ZEB1: variants seen among roughly 807,000 people sequenced by gnomAD.
ZEB1 encodes the protein zinc finger E-box binding homeobox 1.
ZEB1 carries 21 observed loss-of-function variants against 84.9 expected under a neutral mutation model. The ratio of observed to expected loss-of-function variants is 0.25; its 90% CI spans 0.18 to 0.36. The LOEUF is 0.36. ZEB1 is among the 10% of genes least tolerant of loss of function. The pLI is 1.00. For synonymous variants in ZEB1, 420 were observed against 471.1 expected, an observed-to-expected ratio of 0.89 and a Z score of 1.41; for missense variants, 1,104 against 1,330.2, an observed-to-expected ratio of 0.83 and a Z score of 2.65.
chr10:31,370,987 G>A (rs1357740986), intron 1 of ZEB1, among the ~76,000 whole-genome samples: 1 of 152,100 alleles, frequency 6.6e-6, no homozygotes, highest in Non-Finnish European at 1.5e-5. Flanking sequence ...ACAAACTGCT[G>A]GGATTACAGG....
intron 3 of ZEB1, among the ~76,000 whole-genome samples, chr10:31,500,349 C>T (rs1368062966): frequency 1.3e-5 from 2 of 152,040 alleles, no homozygotes; most frequent in African/African-American, 4.8e-5. Flanking sequence ...TTGCTTTGCT[C>T]TTATCAGTCT....
chr10:31,397,959 C>G (rs1456680091), intron 1 of ZEB1, among the ~76,000 whole-genome samples: 1 of 152,118 alleles, frequency 6.6e-6, no homozygotes, highest in Non-Finnish European at 1.5e-5. Context: ...GCAAAGTTGA[C>G]TGAATAAGAT....
rs187841200 is a variant in ZEB1, at chr10:31,362,266, T to C, written c.58+42974T>C. On this transcript the variant is annotated intron_variant, in intron 1 of 8. Coordinates refer to ENST00000424869, the MANE Select transcript of ZEB1 (RefSeq NM_001174096.2). ...GGAGGCCAGGCAGAGGCGGCGCTCC[T>C]CCTCAATTCCCAGATAGTGGGCGGC... Among the ~76,000 whole-genome samples, 1,015 of 128,442 alleles carry C rather than the reference T, an allele frequency of 7.9e-3. 10 individuals are homozygous for C. The highest frequency in any genetic ancestry group is 0.028 in the African/African-American group (929 of 33,118). The allele number at this position is 128,442 out of a possible 152,430, so 84.3% of individuals were successfully genotyped here.
At chr10:31,446,760 G>T (rs1299106201) in intron 1 of ZEB1, among the ~76,000 whole-genome samples, 2 of 151,188 alleles carry the variant, frequency 1.3e-5, no homozygotes, top group Non-Finnish European at 3.0e-5. Flanking sequence ...TAGTTTGATT[G>T]CACTGTGGTC....
At chr10:31,386,748 G>C (rs2048702654) in intron 1 of ZEB1, among the ~76,000 whole-genome samples, 1 of 152,146 alleles carries the variant, frequency 6.6e-6, no homozygotes, top group East Asian at 1.9e-4. Context: ...AAATACAAAG[G>C]GAGGACAGAA....
chr10:31,339,519 C>G (rs568517813), intron 1 of ZEB1, among the ~76,000 whole-genome samples: 1 of 152,068 alleles, frequency 6.6e-6, no homozygotes, highest in African/African-American at 2.4e-5. Flanking sequence ...TCTGTAGTCC[C>G]AGCACTTTGG....
In ZEB1 at chr10:31,415,235, A is replaced by C. The variant is rs1432473255; in HGVS notation, c.59-45802A>C. 2.6e-5 allele frequency among the ~76,000 whole-genome samples: 4 copies of C among 152,268 alleles called. 1 individual carries two copies. The highest frequency in any genetic ancestry group is 2.0e-4 in the Admixed American group (3 of 15,286). Reference sequence around the variant, plus strand: ...GAGAGAACAGGATTTCTGTGCAAAGATGGTACAGTGCTAGTAAAATATATA... The same window carrying C: ...GAGAGAACAGGATTTCTGTGCAAAGCTGGTACAGTGCTAGTAAAATATATA... On this transcript the variant is annotated intron_variant, in intron 1 of 8. Coordinates refer to ENST00000424869, the MANE Select transcript of ZEB1 (RefSeq NM_001174096.2).
intron 1 of ZEB1, among the ~76,000 whole-genome samples, chr10:31,426,055 T>A (rs979269025): frequency 2.6e-4 from 39 of 152,332 alleles, no homozygotes; most frequent in African/African-American, 9.4e-4. Context: ...AATTACTCTC[T>A]GTGTGAATTT....
chr10:31,401,928 A>G (rs530716166), intron 1 of ZEB1, among the ~76,000 whole-genome samples: 5 of 152,228 alleles, frequency 3.3e-5, no homozygotes, highest in Admixed American at 2.6e-4. Context: ...AATGGAGGAC[A>G]GGTTTCTTCC....
chr10:31,361,086 C>A (rs1225673646), intron 1 of ZEB1: 1 of 1,611,908 alleles, frequency 6.2e-7, no homozygotes, highest in Non-Finnish European at 8.5e-7. Flanking sequence ...CTAAGACTTA[C>A]AAATTACAAG....
chr10:31,404,741 A>T, intron 1 of ZEB1, among the ~76,000 whole-genome samples: 1 of 151,878 alleles, frequency 6.6e-6, no homozygotes, highest in East Asian at 1.9e-4. Context: ...CTCTCCTTTT[A>T]TTTTTTTCAA....
At chr10:31,356,352 G>GTGTA (rs141826838) in intron 1 of ZEB1, among the ~76,000 whole-genome samples, 5 of 147,056 alleles carry the variant, frequency 3.4e-5, no homozygotes, top group Admixed American at 2.0e-4. Context: ...TATATGATGT[G>GTGTA]TATATATATA....
chr10:31,336,866 C>T (rs1431570597), intron 1 of ZEB1, among the ~76,000 whole-genome samples: 1 of 152,196 alleles, frequency 6.6e-6, no homozygotes, highest in Non-Finnish European at 1.5e-5. Flanking sequence ...AACACTTAGG[C>T]GTTGCAGATG....
At chr10:31,474,692 C>T (rs1311907685) in intron 2 of ZEB1, among the ~76,000 whole-genome samples, 3 of 152,060 alleles carry the variant, frequency 2.0e-5, no homozygotes, top group African/African-American at 4.8e-5. Context: ...ACCATTTGAC[C>T]CAGCTATCCC....
chr10:31,328,742 T>A (rs1223146596), intron 1 of ZEB1, among the ~76,000 whole-genome samples: 1 of 152,148 alleles, frequency 6.6e-6, no homozygotes, highest in Non-Finnish European at 1.5e-5. Context: ...CCTTACCATA[T>A]CACTTTTATG....
chr10:31,410,129 G>A (rs750097497), intron 1 of ZEB1, among the ~76,000 whole-genome samples: 2 of 152,210 alleles, frequency 1.3e-5, no homozygotes, highest in Non-Finnish European at 2.9e-5. Flanking sequence ...CATTCAGCAT[G>A]ATATTGGCTG....
intron 1 of ZEB1, among the ~76,000 whole-genome samples, chr10:31,349,288 G>A (rs2040880008): frequency 6.6e-6 from 1 of 152,210 alleles, no homozygotes; most frequent in Non-Finnish European, 1.5e-5. Context: ...TCTGTTGTGT[G>A]CGTATACTAC....
At chr10:31,367,368 T>C (rs757345832) in intron 1 of ZEB1, among the ~76,000 whole-genome samples, 1 of 152,164 alleles carries the variant, frequency 6.6e-6, no homozygotes, top group African/African-American at 2.4e-5. Context: ...CTCTACACTT[T>C]TACTAACAAT....
intron 1 of ZEB1, among the ~76,000 whole-genome samples, chr10:31,391,258 TGTGTGTGTGTGTGTGTGTGA>T (rs1373750516): frequency 4.1e-5 from 6 of 147,026 alleles, no homozygotes; most frequent in African/African-American, 1.1e-4. Context: ...TGTGTGTGTG[TGTGTGTGTGTGTGTGTGTGA>T]GATCCAATAA....
Sources: gnomAD v4.1 joint callset for allele counts (sites outside exome capture counted in the v4.1 genomes callset) on GRCh38, gnomAD v4.1.1 for gene constraint, MANE v1.5 for transcripts, NCBI Gene and HGNC (gene_info 2026-07-23, HGNC 2026-07-21) for gene names.